Variants in LRBA observed in about 807,000 individuals in gnomAD.
LRBA encodes lipopolysaccharide-responsive and beige-like anchor protein.
LRBA carries 176 observed loss-of-function variants against 330.0 expected under a neutral mutation model. That is an observed-to-expected ratio of 0.53 (90% CI 0.47 to 0.60). The LOEUF is 0.60. LRBA is among the 20% of genes least tolerant of loss of function. LRBA has a pLI of 0.00. For synonymous variants in LRBA, 1,230 were observed against 1,193.0 expected (o/e 1.03, Z -0.64); for missense variants, 3,259 against 3,444.8 (o/e 0.95, Z 1.35).
intron 47 of LRBA, 114 bp downstream of exon 47, chr4:150,415,324 C>A (rs547747389): frequency 6.4e-6 from 5 of 776,342 alleles, no homozygotes; most frequent in South Asian, 4.4e-5. Context: ...TTCAGTTAGT[C>A]CTATCACCTA....
chr4:150,290,881 C>T (rs1728192184), intron 53 of LRBA, among the ~76,000 whole-genome samples: 2 of 152,092 alleles, frequency 1.3e-5, no homozygotes, highest in African/African-American at 4.8e-5. Flanking sequence ...ACAACTATAA[C>T]AACCTAACTT....
At chr4:150,814,808 C>T (rs1054310413) in intron 31 of LRBA, among the ~76,000 whole-genome samples, 1 of 151,682 alleles carries the variant, frequency 6.6e-6, no homozygotes, top group Non-Finnish European at 1.5e-5. Flanking sequence ...GTAGATTTTG[C>T]CAATAAATGT....
chr4:150,650,856 T>A (rs760874688), intron 37 of LRBA, among the ~76,000 whole-genome samples: 1 of 152,020 alleles, frequency 6.6e-6, no homozygotes, highest in Non-Finnish European at 1.5e-5. Context: ...TCCTTCCACA[T>A]GAATCATTAG....
chr4:150,373,030 T>C (rs111685737), intron 47 of LRBA, among the ~76,000 whole-genome samples: 1 of 151,976 alleles, frequency 6.6e-6, no homozygotes, highest in Admixed American at 6.6e-5. Flanking sequence ...CCTGCCAACA[T>C]GTCAACAATG....
chr4:150,266,399 C>G (rs1476340363), intron 56 of LRBA, among the ~76,000 whole-genome samples: 1 of 152,184 alleles, frequency 6.6e-6, no homozygotes, highest in Non-Finnish European at 1.5e-5. Flanking sequence ...AGTAACTCAC[C>G]GAAATCACTG....
At chr4:150,537,407 T>C (rs1050033304) in intron 40 of LRBA, among the ~76,000 whole-genome samples, 4 of 152,222 alleles carry the variant, frequency 2.6e-5, no homozygotes, top group Non-Finnish European at 4.4e-5. Context: ...ATTCTGGACA[T>C]TGGCCTTGGC....
At chr4:150,320,149 G>A (rs1429584000) in intron 50 of LRBA, among the ~76,000 whole-genome samples, 1 of 152,140 alleles carries the variant, frequency 6.6e-6, no homozygotes, top group South Asian at 2.1e-4. Context: ...ACATTACAGA[G>A]GGGTGGTCAT....
chr4:150,735,217 A>C, intron 36 of LRBA, 41 bp downstream of exon 36: 1 of 1,400,604 alleles, frequency 7.1e-7, no homozygotes, highest in Non-Finnish European at 1.0e-6. Flanking sequence ...TTATCATTAA[A>C]AAACGGTAAC....
chr4:150,675,608 C>T (rs1582010364), intron 37 of LRBA, among the ~76,000 whole-genome samples: 1 of 152,188 alleles, frequency 6.6e-6, no homozygotes, highest in Middle Eastern at 3.4e-3. Context: ...GTCCCAGCTA[C>T]TCATGAGGCT....
At chr4:150,416,844 TCA>T (rs1039002630) in intron 46 of LRBA, among the ~76,000 whole-genome samples, 4 of 152,146 alleles carry the variant, frequency 2.6e-5, no homozygotes, top group Non-Finnish European at 4.4e-5. Flanking sequence ...AGTCATACTC[TCA>T]TACCATAAAT....
chr4:150,983,611 C>T (rs896764236), intron 2 of LRBA, among the ~76,000 whole-genome samples: 1 of 151,928 alleles, frequency 6.6e-6, no homozygotes, highest in Admixed American at 6.6e-5. Context: ...CGCCACCATA[C>T]CTGGCTAACT....
intron 53 of LRBA, among the ~76,000 whole-genome samples, chr4:150,292,084 G>A (rs1468884586): frequency 1.3e-5 from 2 of 152,128 alleles, no homozygotes; most frequent in Non-Finnish European, 2.9e-5. Context: ...AATAGCAAAC[G>A]TTTTCATTAG....
intron 13 of LRBA, among the ~76,000 whole-genome samples, chr4:150,904,846 A>G (rs1731149413): frequency 1.3e-5 from 2 of 152,134 alleles, no homozygotes; most frequent in East Asian, 3.8e-4. Context: ...TAAAATATTA[A>G]GACTCTAGAA....
rs1367834573 is a variant in LRBA, at chr4:150,613,914, A to AGT, written c.5922-14784_5922-14783insAC. Among the ~76,000 whole-genome samples, 474 of 152,312 alleles carry AGT rather than the reference A, an allele frequency of 3.1e-3. 2 individuals are homozygous for AGT. The highest frequency in any genetic ancestry group is 0.023 in the South Asian group (110 of 4,822). On this transcript the variant is annotated intron_variant, in intron 37 of 56. Transcript: ENST00000651943. ...AGGAAGGGAAAACTCTGAAGACAGT[A>AGT]TTCCCTACTCTGATTCAGCCTGTTC...
chr4:150,630,375 G>A (rs1777258285), intron 37 of LRBA, among the ~76,000 whole-genome samples: 1 of 152,046 alleles, frequency 6.6e-6, no homozygotes, highest in Non-Finnish European at 1.5e-5. Context: ...ATGCCCAAAG[G>A]GGATACATAA....
intron 2 of LRBA, among the ~76,000 whole-genome samples, chr4:150,953,679 G>A (rs974498194): frequency 2.0e-5 from 3 of 152,196 alleles, no homozygotes; most frequent in South Asian, 4.2e-4. Flanking sequence ...TGTTGCCCAG[G>A]CTGGAGTGCA....
intron 47 of LRBA, among the ~76,000 whole-genome samples, chr4:150,373,814 T>C (rs995673282): frequency 1.3e-5 from 2 of 152,094 alleles, no homozygotes; most frequent in African/African-American, 4.8e-5. Context: ...CAACCTTACC[T>C]CTCCTCTTTT....
At chr4:151,003,525 C>G (rs1158313381) in intron 2 of LRBA, among the ~76,000 whole-genome samples, 3 of 151,974 alleles carry the variant, frequency 2.0e-5, no homozygotes, top group African/African-American at 7.3e-5. Context: ...TATATCACGT[C>G]TATCATAAAA....
chr4:150,991,094 G>A (rs1561101650), intron 2 of LRBA, among the ~76,000 whole-genome samples: 1 of 150,198 alleles, frequency 6.7e-6, no homozygotes, highest in Non-Finnish European at 1.5e-5. Context: ...AAAAAGAGGA[G>A]GAAGAGGAGG....
Sources: gnomAD v4.1 joint callset for allele counts (sites outside exome capture counted in the v4.1 genomes callset) on GRCh38, gnomAD v4.1.1 for gene constraint, MANE v1.5 for transcripts, NCBI Gene and HGNC (gene_info 2026-07-23, HGNC 2026-07-21) for gene names.